TUT4: variants seen among roughly 807,000 people sequenced by gnomAD.
TUT4 encodes the protein terminal uridylyl transferase 4, also known as terminal uridylyltransferase 4.
In TUT4, 36 loss-of-function variants were observed where a neutral mutation model predicts 192.2. The ratio of observed to expected loss-of-function variants is 0.19; its 90% confidence interval spans 0.14 to 0.25. TUT4 has a LOEUF of 0.25. Among genes scored for constraint, TUT4 ranks in the 10% least tolerant of loss-of-function variants. The pLI, the probability that TUT4 is intolerant of heterozygous loss-of-function variation, is 1.00. For synonymous variants in TUT4, 618 were observed against 666.0 expected (o/e 0.93, Z 1.11); for missense variants, 1,493 against 1,957.2 (o/e 0.76, Z 4.47).
intron 20 of TUT4, among the ~76,000 whole-genome samples, chr1:52,451,817 T>C (rs1316346295): frequency 6.8e-6 from 1 of 147,516 alleles, no homozygotes; most frequent in African/African-American, 2.5e-5. Flanking sequence ...TACTCCAGCC[T>C]GGGCAACAGA....
At chr1:52,486,649 T>C (rs1395752459) in intron 9 of TUT4, among the ~76,000 whole-genome samples, 1 of 152,200 alleles carries the variant, frequency 6.6e-6, no homozygotes. Context: ...GAAAAAACTT[T>C]CTTTGCAACT....
intron 11 of TUT4, among the ~76,000 whole-genome samples, chr1:52,478,142 A>G (rs773325655): frequency 1.8e-4 from 28 of 152,258 alleles, no homozygotes; most frequent in Non-Finnish European, 2.9e-4. Flanking sequence ...GCAGTAAAAT[A>G]CACCAATACC....
intron 1 of TUT4, among the ~76,000 whole-genome samples, chr1:52,532,177 T>C (rs1329154392): frequency 6.6e-6 from 1 of 152,026 alleles, no homozygotes; most frequent in African/African-American, 2.4e-5. Context: ...AATCTGTTTT[T>C]AATAAAACAA....
chr1:52,498,237 G>C (rs1053521995), intron 4 of TUT4, among the ~76,000 whole-genome samples: 48 of 140,830 alleles, frequency 3.4e-4, no homozygotes, highest in African/African-American at 1.3e-3. Flanking sequence ...CTAAGTTTCA[G>C]TACTTTTTTT....
At chr1:52,499,900 G>A (rs1394101401) in intron 4 of TUT4, among the ~76,000 whole-genome samples, 4 of 151,262 alleles carry the variant, frequency 2.6e-5, no homozygotes, top group African/African-American at 4.9e-5. Context: ...ATGAAACCCC[G>A]TCTCTACTAA....
At chr1:52,505,210 G>A (rs989266977) in intron 4 of TUT4, among the ~76,000 whole-genome samples, 1 of 151,898 alleles carries the variant, frequency 6.6e-6, no homozygotes, top group Non-Finnish European at 1.5e-5. Flanking sequence ...CCTAATCTTG[G>A]GGGGACAGCA....
chr1:52,532,921 C>T (rs1269330848), intron 1 of TUT4, among the ~76,000 whole-genome samples: 1 of 152,196 alleles, frequency 6.6e-6, no homozygotes, highest in East Asian at 1.9e-4. Context: ...CTCATGCTCT[C>T]TTTCTCTTCT....
At chr1:52,461,804 A>G (rs775338121) in intron 16 of TUT4, 35 bp from the exon 17 acceptor site, 14 of 1,191,270 alleles carry the variant, frequency 1.2e-5, no homozygotes, top group East Asian at 2.6e-5. Flanking sequence ...GTTTGACTCA[A>G]TTTCACCTTG....
chr1:52,464,421 A>AT (rs960032982), intron 16 of TUT4, among the ~76,000 whole-genome samples: 5 of 151,460 alleles, frequency 3.3e-5, no homozygotes, highest in African/African-American at 4.9e-5. Context: ...TGCCCAGCTA[A>AT]TTTTTTTTAT....
intron 25 of TUT4, chr1:52,437,584 C>T (rs12411173): frequency 0.33 from 49,789 of 152,306 alleles, 12,198 homozygotes; most frequent in African/African-American, 0.7. Flanking sequence ...AAGAACCCAA[C>T]GTCTTGGTCA....
chr1:52,538,760 C>G (rs567030435), intron 1 of TUT4: 1 of 151,544 alleles, frequency 6.6e-6, no homozygotes, highest in Non-Finnish European at 1.5e-5. Context: ...TATTACTTCC[C>G]TGAATTAAAC....
chr1:52,449,410 T>C (rs998188045), intron 20 of TUT4, among the ~76,000 whole-genome samples: 1 of 152,352 alleles, frequency 6.6e-6, no homozygotes, highest in East Asian at 1.9e-4. Flanking sequence ...GCCATTCTTG[T>C]GCCTCAGCCT....
chr1:52,470,586 C>T (rs1182216114), intron 14 of TUT4, among the ~76,000 whole-genome samples: 1 of 151,976 alleles, frequency 6.6e-6, no homozygotes. Context: ...AAATTAACCA[C>T]CGATACACAA....
intron 16 of TUT4, chr1:52,463,652 A>T: frequency 7.7e-7 from 1 of 1,303,980 alleles, no homozygotes; most frequent in Non-Finnish European, 1.0e-6. Flanking sequence ...CTGGTAAAGG[A>T]CTGAACATCT....
intron 8 of TUT4, among the ~76,000 whole-genome samples, chr1:52,490,232 C>T (rs1239058790): frequency 1.3e-5 from 2 of 149,214 alleles, no homozygotes; most frequent in Non-Finnish European, 3.0e-5. Flanking sequence ...CTCACTGCAG[C>T]CTCAACCTCC....
chr1:52,530,061 T>G (rs1454711964), intron 1 of TUT4, among the ~76,000 whole-genome samples: 1 of 152,158 alleles, frequency 6.6e-6, no homozygotes, highest in Non-Finnish European at 1.5e-5. Flanking sequence ...CAGGCTGGTT[T>G]CGAAGCCCTG....
intron 1 of TUT4, among the ~76,000 whole-genome samples, chr1:52,541,635 G>C (rs1190742309): frequency 6.6e-6 from 1 of 150,908 alleles, no homozygotes; most frequent in Non-Finnish European, 1.5e-5. Context: ...AAAACTGTTA[G>C]AAGAAAACAT....
At chr1:52,461,651 T>A in intron 17 of TUT4, 35 bp from the exon 18 acceptor site, 1 of 1,565,008 alleles carries the variant, frequency 6.4e-7, no homozygotes, top group Non-Finnish European at 8.7e-7. Flanking sequence ...GTAGGTTAAA[T>A]AATTTTCATA....
chr1:52,453,007 G>A (rs1455720032), intron 20 of TUT4, among the ~76,000 whole-genome samples: 1 of 152,168 alleles, frequency 6.6e-6, no homozygotes, highest in Non-Finnish European at 1.5e-5. Context: ...GTGGTTGCTT[G>A]CTTGGTATAT....
Sources: allele counts gnomAD v4.1 joint callset (sites outside exome capture counted in the v4.1 genomes callset), GRCh38; gene constraint gnomAD v4.1.1; transcripts MANE v1.5; gene names NCBI Gene and HGNC (gene_info 2026-07-23, HGNC 2026-07-21).